The following APC variants were observed in gnomAD, a reference collection of about 807,000 sequenced individuals.
APC encodes the protein adenomatous polyposis coli protein.
APC carries 72 observed loss-of-function variants against 247.0 expected under a neutral mutation model. That is an observed-to-expected ratio of 0.29 (90% CI 0.24 to 0.35). The LOEUF (loss-of-function observed/expected upper bound fraction) is 0.35. Among genes scored for constraint, APC ranks in the 10% least tolerant of loss-of-function variants. The pLI is 1.00. For missense variants in APC, 3,400 were observed against 3,360.7 expected, an observed-to-expected ratio of 1.01 and a Z score of -0.29; for synonymous variants, 1,254 against 1,162.5, an observed-to-expected ratio of 1.08 and a Z score of -1.60.
Position 112,838,981 on chromosome 5 carries a change from G to A in APC, c.3387G>A (p.Leu1129=). The change falls in exon 16 of 16, where the codon TTG becomes TTA. Residue 1129 remains leucine (L), a synonymous_variant. Transcript: ENST00000257430. ...HGINQNVSQS[L]CQEDDYEDDK... The stretch of plus-strand genomic sequence containing the variant: ...TTAATCAAAATGTAAGCCAGTCTTT[G>A]TGTCAAGAAGATGACTATGAAGATG... 6.2e-7 allele frequency: 1 copy of A among 1,614,052 alleles called. No individual in the cohort carries two copies. Among genetic ancestry groups the A allele is most frequent in the East Asian group, 2.2e-5 (1 of 44,856 alleles).
intron 6 of APC, among the ~76,000 whole-genome samples, chr5:112,784,831 T>C (rs1335889635): frequency 6.6e-6 from 1 of 152,164 alleles, no homozygotes; most frequent in Non-Finnish European, 1.5e-5. Flanking sequence ...GCAAACCTTA[T>C]ATTAAGAAAA....
intron 1 of APC, among the ~76,000 whole-genome samples, chr5:112,731,109 T>C (rs1243131221): frequency 6.6e-6 from 1 of 152,128 alleles, no homozygotes; most frequent in Non-Finnish European, 1.5e-5. Flanking sequence ...AATCATCTTA[T>C]AAATGTGCCA....
intron 6 of APC, among the ~76,000 whole-genome samples, chr5:112,782,020 GC>G (rs1350830700): frequency 6.6e-6 from 1 of 152,158 alleles, no homozygotes; most frequent in Non-Finnish European, 1.5e-5. Flanking sequence ...GAGTCATCAT[GC>G]CCAGTGTATT....
chr5:112,731,482 G>C (rs940082181), intron 1 of APC, among the ~76,000 whole-genome samples: 1 of 152,124 alleles, frequency 6.6e-6, no homozygotes, highest in African/African-American at 2.4e-5. Context: ...TGTAGCCTCA[G>C]GCTTTTTAAT....
intron 4 of APC, among the ~76,000 whole-genome samples, chr5:112,774,254 T>C (rs1439294737): frequency 6.6e-6 from 1 of 152,106 alleles, no homozygotes; most frequent in Non-Finnish European, 1.5e-5. Context: ...AGATTGAGCA[T>C]CCCAAATCTG....
upstream of APC, among the ~76,000 whole-genome samples, chr5:112,736,136 C>G (rs535852160): frequency 6.6e-6 from 1 of 152,270 alleles, no homozygotes; most frequent in South Asian, 2.1e-4. Flanking sequence ...TAAATAAGTC[C>G]TGTGCAGTGA....
intron 15 of APC, among the ~76,000 whole-genome samples, chr5:112,835,563 A>G (rs1419074153): frequency 1.4e-5 from 2 of 140,516 alleles, no homozygotes; most frequent in Non-Finnish European, 3.0e-5. Flanking sequence ...CTTAGTATCC[A>G]TAATAATAAT....
intron 1 of APC, among the ~76,000 whole-genome samples, chr5:112,752,714 C>G (rs1460481165): frequency 6.6e-6 from 1 of 152,152 alleles, no homozygotes; most frequent in Admixed American, 6.5e-5. Context: ...TTTTGTATGA[C>G]TTCACAAGTT....
chr5:112,836,177 C>CG (rs565168034), intron 15 of APC, among the ~76,000 whole-genome samples: 1 of 88,148 alleles, frequency 1.1e-5, no homozygotes, highest in Non-Finnish European at 2.7e-5. Flanking sequence ...CCCCCCCCCC[C>CG]CCGCCACCGT....
At chr5:112,745,835 T>A (rs920101179) in intron 1 of APC, among the ~76,000 whole-genome samples, 4 of 152,000 alleles carry the variant, frequency 2.6e-5, no homozygotes, top group Admixed American at 6.6e-5. Flanking sequence ...ATTACACGCG[T>A]GAGCCACCAC....
At chr5:112,778,476 A>G (rs906281623) in intron 5 of APC, 1 of 151,914 alleles carries the variant, frequency 6.6e-6, no homozygotes, top group Non-Finnish European at 1.5e-5. Flanking sequence ...TTAAAAAAAA[A>G]AAAAAAGAAA....
At chr5:112,776,739 G>T (rs1006826019) in intron 5 of APC, among the ~76,000 whole-genome samples, 7 of 152,080 alleles carry the variant, frequency 4.6e-5, no homozygotes, top group Admixed American at 2.0e-4. Context: ...TACTTGGGAG[G>T]CTGAGGCAGG....
intron 1 of APC, among the ~76,000 whole-genome samples, chr5:112,739,699 T>C (rs1449393658): frequency 6.6e-6 from 1 of 151,838 alleles, no homozygotes; most frequent in African/African-American, 2.4e-5. Context: ...CAAGACCCTA[T>C]CTCAAAAAAA....
At chr5:112,813,087 C>T (rs1377546480) in intron 8 of APC, among the ~76,000 whole-genome samples, 2 of 152,140 alleles carry the variant, frequency 1.3e-5, no homozygotes, top group African/African-American at 2.4e-5. Flanking sequence ...CTTCCCTATG[C>T]GAGTATGAAT....
At position 112,737,987 on chromosome 5, in the gene APC, C is replaced by T; in HGVS notation, c.-19+62C>T. On this transcript the variant is annotated intron_variant, in intron 1 of 15. Transcript: ENST00000257430. ...GGGGGAGGGGGGAAGGTGGTTTTCC[C>T]TCGCACTGTCTTAAACCGATGGCCT... 3 of 949,712 alleles carry T rather than the reference C, an allele frequency of 3.2e-6. No individual in the cohort carries two copies. The South Asian group carries it at 1.5e-4, about 46-fold the overall frequency. 58.8% of individuals were successfully genotyped at this position (949,712 alleles called of 1,614,324 possible).
intron 1 of APC, among the ~76,000 whole-genome samples, chr5:112,722,891 T>A (rs1296117036): frequency 1.3e-5 from 2 of 152,094 alleles, no homozygotes; most frequent in African/African-American, 2.4e-5. Flanking sequence ...TGCATAGGTA[T>A]GATTGACAAC....
At chr5:112,837,483 T>C in intron 15 of APC, 70 bp from the exon 16 acceptor site, 2 of 1,162,696 alleles carry the variant, frequency 1.7e-6, no homozygotes, top group South Asian at 2.6e-5. Flanking sequence ...TTTTGTCTTC[T>C]ATCCTTTTAT....
At chr5:112,733,365 C>T (rs748577538), upstream of APC, among the ~76,000 whole-genome samples, 4 of 152,054 alleles carry the variant, frequency 2.6e-5, no homozygotes, top group East Asian at 1.9e-4. Context: ...GGATTATTGA[C>T]GTGGGCCAAA....
At chr5:112,764,950 G>GT (rs2149778715) in intron 2 of APC, among the ~76,000 whole-genome samples, 1 of 152,270 alleles carries the variant, frequency 6.6e-6, no homozygotes, top group African/African-American at 2.4e-5. Flanking sequence ...TTCCACAAAT[G>GT]TAAAACACTC....
Sources: allele counts gnomAD v4.1 joint callset (sites outside exome capture counted in the v4.1 genomes callset), GRCh38; gene constraint gnomAD v4.1.1; transcripts MANE v1.5; gene names NCBI Gene and HGNC (gene_info 2026-07-23, HGNC 2026-07-21).